Variants in FAM53B observed in about 807,000 individuals in gnomAD.
FAM53B encodes the protein protein FAM53B.
FAM53B carries 12 observed loss-of-function variants against 32.7 expected under a neutral mutation model. That is an observed-to-expected ratio of 0.37 (90% CI 0.24 to 0.59). FAM53B has a LOEUF of 0.59. FAM53B is among the 20% of genes least tolerant of loss of function. The pLI is 0.72. For synonymous variants in FAM53B, 234 were observed against 228.7 expected, an observed-to-expected ratio of 1.02 and a Z score of -0.21; for missense variants, 477 against 577.7, an observed-to-expected ratio of 0.83 and a Z score of 1.79.
intron 2 of FAM53B, among the ~76,000 whole-genome samples, chr10:124,702,070 C>T: frequency 6.6e-6 from 1 of 152,152 alleles, no homozygotes; most frequent in East Asian, 1.9e-4. Context: ...GTGACTTTCC[C>T]TTGCACATTG....
chr10:124,724,219 G>C (rs1026492501), intron 1 of FAM53B, among the ~76,000 whole-genome samples: 1 of 152,224 alleles, frequency 6.6e-6, no homozygotes, highest in African/African-American at 2.4e-5. Context: ...CAATGCCAGA[G>C]ATGGGGTGAG....
intron 4 of FAM53B, among the ~76,000 whole-genome samples, chr10:124,626,220 T>A (rs1336139307): frequency 6.6e-6 from 1 of 152,214 alleles, no homozygotes; most frequent in Non-Finnish European, 1.5e-5. Flanking sequence ...GCCTGCGCAA[T>A]CGGACAGACG....
rs1950160342 is a variant in FAM53B, at chr10:124,733,895, CGTCTCACTCAGGCTCCAG to C, written c.-175+10100_-175+10117del. On this transcript the variant is annotated intron_variant, in intron 1 of 4. Coordinates refer to ENST00000337318, the MANE Select transcript of FAM53B (RefSeq NM_014661.4). The surrounding 1 kb of genome is among the most constrained non-coding windows in gnomAD (Gnocchi z 4.3). Reference sequence around the variant, plus strand: ...TCCGCTCCCCTCTGAAATCTACACTCGTCTCACTCAGGCTCCAGGTCTCCCAGATTCCCTGACACAGTC... The same window carrying C: ...TCCGCTCCCCTCTGAAATCTACACTCGTCTCCCAGATTCCCTGACACAGTC... Among the ~76,000 whole-genome samples the C allele has an allele frequency of 6.6e-6, 1 of 152,240 alleles. No individual in the cohort carries two copies. The highest frequency in any genetic ancestry group is 2.1e-4 in the South Asian group (1 of 4,836).
chr10:124,638,346 C>A (rs1046793111), intron 4 of FAM53B, among the ~76,000 whole-genome samples: 6 of 152,072 alleles, frequency 3.9e-5, no homozygotes, highest in African/African-American at 1.2e-4. Context: ...CTCCAGCACT[C>A]CAGCCTGGGT....
chr10:124,715,427 G>C (rs1158266467), intron 1 of FAM53B, among the ~76,000 whole-genome samples: 1 of 152,198 alleles, frequency 6.6e-6, no homozygotes, highest in Non-Finnish European at 1.5e-5. Flanking sequence ...AGTCACAATG[G>C]CTTCTTGCAA....
At chr10:124,683,377 T>C (rs901907109) in intron 3 of FAM53B, among the ~76,000 whole-genome samples, 1 of 152,228 alleles carries the variant, frequency 6.6e-6, no homozygotes, top group East Asian at 1.9e-4. Context: ...AACCTGTTAG[T>C]ACTATTTTCT....
intron 4 of FAM53B, among the ~76,000 whole-genome samples, chr10:124,654,251 T>A (rs1246029013): frequency 1.3e-5 from 2 of 152,318 alleles, no homozygotes; most frequent in African/African-American, 4.8e-5. Context: ...CATGCAACGC[T>A]ATGGTGCTCA....
At chr10:124,684,738 C>A (rs1022074809) in intron 3 of FAM53B, among the ~76,000 whole-genome samples, 1 of 152,262 alleles carries the variant, frequency 6.6e-6, no homozygotes, top group East Asian at 1.9e-4. Flanking sequence ...AGGCTGGTCT[C>A]AAACTCCTGG....
At chr10:124,685,609 G>A (rs1408682413) in intron 3 of FAM53B, among the ~76,000 whole-genome samples, 3 of 152,230 alleles carry the variant, frequency 2.0e-5, no homozygotes, top group Non-Finnish European at 4.4e-5. Context: ...GCCAGGCCTC[G>A]GGGAAACCCG....
At chr10:124,638,894 T>C (rs983705613) in intron 4 of FAM53B, among the ~76,000 whole-genome samples, 1 of 152,198 alleles carries the variant, frequency 6.6e-6, no homozygotes, top group African/African-American at 2.4e-5. Context: ...TGGCCCCACC[T>C]GCAGCGCCAG....
chr10:124,724,201 C>A (rs1223465737), intron 1 of FAM53B, among the ~76,000 whole-genome samples: 1 of 152,146 alleles, frequency 6.6e-6, no homozygotes, highest in East Asian at 1.9e-4. Flanking sequence ...GAGTGTTGGG[C>A]AGGAGTTCAA....
In FAM53B at chr10:124,626,388, G is replaced by GCCCCCC. The variant is rs34542605; in HGVS notation, c.907-2790_907-2785dup. Among the ~76,000 whole-genome samples, 41 of 101,802 alleles carry GCCCCCC rather than the reference G, an allele frequency of 4.0e-4. 1 individual carries two copies. Among genetic ancestry groups the GCCCCCC allele is most frequent in the African/African-American group, 5.3e-4 (16 of 30,000 alleles). The allele number at this position is 101,802 out of a possible 152,430, so 66.8% of individuals were successfully genotyped here. On this transcript the variant is annotated intron_variant, in intron 4 of 4. Transcript: ENST00000337318. ...CCGTGGTGCTACGGTCGAAATTTGTGCCCCCCCCCCCCCCACCATTCCTCA... is the reference window on the plus strand; with the variant it reads ...CCGTGGTGCTACGGTCGAAATTTGTGCCCCCCCCCCCCCCCCCCCCACCATTCCTCA...
intron 4 of FAM53B, among the ~76,000 whole-genome samples, chr10:124,668,967 C>T (rs1422634959): frequency 6.6e-6 from 1 of 152,240 alleles, no homozygotes; most frequent in Non-Finnish European, 1.5e-5. Flanking sequence ...GGAGGGCATC[C>T]GGTGCTGCCT....
Position 124,681,804 on chromosome 10 carries a change from A to C in FAM53B, c.709T>G (p.Ser237Ala), listed in dbSNP as rs375676113. The C allele has an allele frequency of 5.3e-5, 85 of 1,610,574 alleles. No individual in the cohort carries two copies. The highest frequency in any genetic ancestry group is 6.3e-5 in the Non-Finnish European group (74 of 1,178,440). Reference sequence around the variant, plus strand: ...GAGGGAGGACAGTATTCCACAAAGGAAAACTGCTCATGTGAGCAAGAGAGG... The same window carrying C: ...GAGGGAGGACAGTATTCCACAAAGGCAAACTGCTCATGTGAGCAAGAGAGG... ...RSLSCSHEQF[S>A]FVEYCPPSAN... The change falls in exon 4 of 5, where the codon TCC becomes GCC. Residue 237 changes from serine (S) to alanine (A), a missense_variant. By Grantham distance (99) the Ser-to-Ala change is moderately conservative (BLOSUM62 1). This residue lies in a region of FAM53B where 312 missense variants were observed against 420.2 expected (regional missense o/e 0.74). Coordinates refer to ENST00000337318, the MANE Select transcript of FAM53B (RefSeq NM_014661.4).
intron 1 of FAM53B, among the ~76,000 whole-genome samples, chr10:124,737,016 T>A (rs1950177232): frequency 6.6e-6 from 1 of 152,170 alleles, no homozygotes; most frequent in Non-Finnish European, 1.5e-5. Flanking sequence ...AATCCCAACC[T>A]GGGGTGAGTG....
intron 1 of FAM53B, among the ~76,000 whole-genome samples, chr10:124,726,785 C>T (rs1950106638): frequency 6.6e-6 from 1 of 152,148 alleles, no homozygotes; most frequent in Admixed American, 6.5e-5. Context: ...ATACTAATTA[C>T]CATCTGGCAA....
chr10:124,626,388 G>GCCCCCCCCCCCCCCC (rs34542605), intron 4 of FAM53B, among the ~76,000 whole-genome samples: 2 of 101,818 alleles, frequency 2.0e-5, no homozygotes, highest in African/African-American at 3.3e-5. Flanking sequence ...CGAAATTTGT[G>GCCCCCCCCCCCCCCC]CCCCCCCCCC....
At position 124,691,834 on chromosome 10, in the gene FAM53B, C is replaced by T. The variant is rs149490419; in HGVS notation, c.133+4324G>A. ...GGAGGGAGCCTTGACTGAGAGTCCA[C>T]GCGTGGCCCCGCTTCTCCCCACACA... On this transcript the variant is annotated intron_variant, in intron 3 of 4. Transcript: ENST00000337318. 1.8e-3 allele frequency among the ~76,000 whole-genome samples: 274 copies of T among 152,304 alleles called. 2 individuals carry two copies. The highest frequency in any genetic ancestry group is 0.014 in the South Asian group (70 of 4,830).
chr10:124,657,568 A>C (rs933667130), intron 4 of FAM53B, among the ~76,000 whole-genome samples: 1 of 151,994 alleles, frequency 6.6e-6, no homozygotes, highest in African/African-American at 2.4e-5. Context: ...TCCAAACTAT[A>C]TTTTTTCTCT....
Sources: gnomAD v4.1 joint callset for allele counts (sites outside exome capture counted in the v4.1 genomes callset) on GRCh38, gnomAD v4.1.1 for gene constraint, gnomAD v4.1.1 regional missense constraint, Gnocchi (gnomAD v3.1) non-coding constraint, MANE v1.5 for transcripts, NCBI Gene and HGNC (gene_info 2026-07-23, HGNC 2026-07-21) for gene names.